The following C1orf198 variants were observed in gnomAD, a reference collection of about 807,000 sequenced individuals.
C1orf198 encodes the protein chromosome 1 open reading frame 198.
In C1orf198, 17 loss-of-function variants were observed where a neutral mutation model predicts 31.4. The ratio of observed to expected loss-of-function variants is 0.54; its 90% confidence interval spans 0.37 to 0.81. The LOEUF (loss-of-function observed/expected upper bound fraction) is 0.81, where lower values mean the gene tolerates loss of function less well. Among genes scored for constraint, C1orf198 ranks in the 40% least tolerant of loss-of-function variants. The pLI, the probability that C1orf198 is intolerant of heterozygous loss-of-function variation, is 0.00. For synonymous variants in C1orf198, 175 were observed against 193.8 expected (o/e 0.90, Z 0.81); for missense variants, 401 against 450.3 (o/e 0.89, Z 0.99).
chr1:230,853,607 G>C (rs1357260372), intron 2 of C1orf198, among the ~76,000 whole-genome samples: 1 of 152,122 alleles, frequency 6.6e-6, no homozygotes, highest in Non-Finnish European at 1.5e-5. Context: ...CTGACCTCGA[G>C]AGATCAAACA....
rs1274932476 is a variant in C1orf198, at chr1:230,843,375, G to A, written c.906C>T (p.Phe302=). ...VRQDDGEDTL[F]SEPKFAQVSS... ...TCACCTGTGCAAACTTGGGTTCCGA[G>A]AACAGGGTGTCTTCCCCATCGTCCT... Residue 302 remains phenylalanine, a synonymous_variant, in exon 3 of 4, where the codon TTC becomes TTT. Coordinates refer to ENST00000366663, the MANE Select transcript of C1orf198 (RefSeq NM_032800.3). This position sits in a 1 kb window ranked among gnomAD's most constrained non-coding sequence, Gnocchi z 4.9. 7.7e-6 allele frequency: 12 copies of A among 1,556,792 alleles called. No homozygotes were observed. Among genetic ancestry groups the A allele is most frequent in the African/African-American group, 2.7e-5 (2 of 73,298 alleles).
intron 2 of C1orf198, among the ~76,000 whole-genome samples, chr1:230,854,556 C>T (rs1669827960): frequency 6.6e-6 from 1 of 152,172 alleles, no homozygotes; most frequent in South Asian, 2.1e-4. Context: ...GCCATGCCTT[C>T]CCCAAAACCA....
intron 1 of C1orf198, among the ~76,000 whole-genome samples, chr1:230,860,602 C>A (rs113069457): frequency 6.6e-6 from 1 of 152,176 alleles, no homozygotes; most frequent in Non-Finnish European, 1.5e-5. Context: ...GTGAACTAAG[C>A]CAGACACAAG....
At chr1:230,859,899 G>C (rs898048131) in intron 1 of C1orf198, among the ~76,000 whole-genome samples, 4 of 152,044 alleles carry the variant, frequency 2.6e-5, no homozygotes, top group African/African-American at 9.7e-5. Flanking sequence ...TATCGCCAGC[G>C]TTTACTTCTT....
rs1669410710 is a variant in C1orf198, at chr1:230,840,451, T to C, written c.928-543A>G. Among the ~76,000 whole-genome samples the C allele has an allele frequency of 6.6e-6, 1 of 152,234 alleles. No homozygotes were observed. On this transcript the variant is annotated intron_variant, in intron 3 of 3. Transcript: ENST00000366663. This position sits in a 1 kb window ranked among gnomAD's most constrained non-coding sequence, Gnocchi z 4.0. ...GCCTCCGGGGCTCAAGCGATCCTCT[T>C]GCCTCGGCCTCCCACGTAGCTGGGA...
chr1:230,849,379 G>C (rs1017157711), intron 2 of C1orf198, among the ~76,000 whole-genome samples: 39 of 152,198 alleles, frequency 2.6e-4, no homozygotes, highest in African/African-American at 8.9e-4. Flanking sequence ...GGGGTTTGGG[G>C]ATGCAACTTA....
At position 230,868,471 on chromosome 1, in the gene C1orf198, C is replaced by A. The variant is rs1317887388; in HGVS notation, c.42G>T (p.Ala14=). 2 of 1,516,792 alleles carry A rather than the reference C, an allele frequency of 1.3e-6. No individual in the cohort carries two copies. The highest frequency in any genetic ancestry group is 2.7e-5 in the East Asian group (1 of 37,080). The allele number at this position is 1,516,792 out of a possible 1,614,324, so 94.0% of individuals were successfully genotyped here. The change falls in exon 1 of 4, where the codon GCG becomes GCT. Residue 14 remains alanine, a synonymous_variant. Coordinates refer to ENST00000366663, the MANE Select transcript of C1orf198 (RefSeq NM_032800.3). The stretch of plus-strand genomic sequence containing the variant: ...CCAGAGGCCGGTTCCCGCTCATGAC[C>A]GCCGAGCGCGAAGCCGCGATCGCCG... ...MAAAIAASRS[A]VMSGNRPLDD... is the part of the protein sequence containing the mutation.
intron 2 of C1orf198, among the ~76,000 whole-genome samples, chr1:230,846,069 A>G (rs952333426): frequency 4.6e-5 from 7 of 152,352 alleles, no homozygotes; most frequent in Admixed American, 3.3e-4. Context: ...CCTTGTTGTT[A>G]TAATTAAGGT....
intron 1 of C1orf198, among the ~76,000 whole-genome samples, chr1:230,859,888 A>G (rs755779014): frequency 5.9e-5 from 9 of 152,194 alleles, no homozygotes; most frequent in Non-Finnish European, 1.3e-4. Context: ...TGTTTGCATC[A>G]TATCGCCAGC....
intron 1 of C1orf198, 101 bp from the exon 2 acceptor site, chr1:230,855,819 C>T: frequency 6.5e-7 from 1 of 1,529,762 alleles, no homozygotes; most frequent in Non-Finnish European, 8.8e-7. Flanking sequence ...TAGGAATAAT[C>T]CCAACTCCTG....
intron 2 of C1orf198, among the ~76,000 whole-genome samples, chr1:230,849,839 C>A (rs571236266): frequency 1.3e-4 from 20 of 152,332 alleles, no homozygotes; most frequent in South Asian, 1.2e-3. Flanking sequence ...TTCCCACCTC[C>A]CCTCCAAAGA....
chr1:230,853,596 T>A (rs1480392493), intron 2 of C1orf198, among the ~76,000 whole-genome samples: 1 of 152,128 alleles, frequency 6.6e-6, no homozygotes, highest in Admixed American at 6.5e-5. Context: ...CTATAGTAAG[T>A]CTGACCTCGA....
At chr1:230,845,277 A>C (rs886911700) in intron 2 of C1orf198, among the ~76,000 whole-genome samples, 9 of 150,396 alleles carry the variant, frequency 6.0e-5, no homozygotes, top group African/African-American at 2.2e-4. Flanking sequence ...CAGCTACTCA[A>C]TATGCTGAGG....
intron 1 of C1orf198, among the ~76,000 whole-genome samples, chr1:230,867,359 A>C (rs756837130): frequency 1.8e-4 from 27 of 152,184 alleles, no homozygotes; most frequent in South Asian, 4.1e-4. Flanking sequence ...GTCATCCCTG[A>C]GCTTTTTCTG....
chr1:230,867,059 C>T (rs1670137257), intron 1 of C1orf198, among the ~76,000 whole-genome samples: 1 of 152,184 alleles, frequency 6.6e-6, no homozygotes. Context: ...TGATCTAAAC[C>T]TCCTTAACTT....
chr1:230,862,435 C>G (rs1670023997), intron 1 of C1orf198, among the ~76,000 whole-genome samples: 1 of 152,196 alleles, frequency 6.6e-6, no homozygotes, highest in Admixed American at 6.5e-5. Flanking sequence ...AGATGTTTTA[C>G]TCATAATTGC....
chr1:230,861,001 A>G (rs1669992977), intron 1 of C1orf198, among the ~76,000 whole-genome samples: 1 of 152,232 alleles, frequency 6.6e-6, no homozygotes, highest in South Asian at 2.1e-4. Flanking sequence ...GATTCCAGCT[A>G]TATGATATTC....
At chr1:230,855,570 G>T in intron 2 of C1orf198, 98 bp downstream of exon 2, 3 of 1,326,226 alleles carry the variant, frequency 2.3e-6, no homozygotes, top group South Asian at 1.4e-5. Flanking sequence ...TGGCAGTCAG[G>T]GGGCTGTCTT....
At chr1:230,865,831 G>T (rs545592681) in intron 1 of C1orf198, among the ~76,000 whole-genome samples, 2 of 152,324 alleles carry the variant, frequency 1.3e-5, no homozygotes, top group Middle Eastern at 3.4e-3. Context: ...ACCACATTTG[G>T]AGGCTGTATT....
Sources: gnomAD v4.1 joint callset for allele counts (sites outside exome capture counted in the v4.1 genomes callset) on GRCh38, gnomAD v4.1.1 for gene constraint, Gnocchi (gnomAD v3.1) non-coding constraint, MANE v1.5 for transcripts, NCBI Gene and HGNC (gene_info 2026-07-23, HGNC 2026-07-21) for gene names.